Variants in RYR2 observed in about 807,000 individuals in gnomAD.
RYR2 encodes cardiac muscle ryanodine receptor-calcium release channel.
RYR2 carries 227 observed loss-of-function variants against 601.1 expected under a neutral mutation model. The observed-to-expected ratio is 0.38, with a 90% CI of 0.34 to 0.42. The LOEUF (loss-of-function observed/expected upper bound fraction) is 0.42. Among genes scored for constraint, RYR2 ranks in the 10% least tolerant of loss-of-function variants. The pLI, the probability that RYR2 is intolerant of heterozygous loss-of-function variation, is 1.00. For synonymous variants in RYR2, 2,223 were observed against 2,175.1 expected (o/e 1.02, Z -0.61); for missense variants, 4,646 against 6,156.5 (o/e 0.75, Z 8.21).
At chr1:237,231,272 ATTCT>A (rs1303815844) in intron 1 of RYR2, among the ~76,000 whole-genome samples, 3 of 150,334 alleles carry the variant, frequency 2.0e-5, no homozygotes, top group African/African-American at 7.3e-5. Context: ...AGTTCTTTTC[ATTCT>A]TTCTTTTTTT....
intron 2 of RYR2, among the ~76,000 whole-genome samples, chr1:237,287,143 C>T (rs1042069289): frequency 2.0e-5 from 3 of 152,124 alleles, no homozygotes; most frequent in African/African-American, 4.8e-5. Flanking sequence ...CGGCCCCAGT[C>T]GCTTCTGGCT....
intron 79 of RYR2, among the ~76,000 whole-genome samples, chr1:237,734,645 A>G (rs1690979516): frequency 6.6e-6 from 1 of 152,226 alleles, no homozygotes. Flanking sequence ...TCCTCTTGAC[A>G]AGTGGATAAA....
intron 18 of RYR2, 73 bp downstream of exon 18, chr1:237,491,997 T>C (rs1663401116): frequency 1.4e-6 from 1 of 733,786 alleles, no homozygotes; most frequent in East Asian, 2.8e-5. Context: ...ACAATAACTT[T>C]TAAAAAGTGT....
chr1:237,114,361 A>T lies in RYR2; in HGVS notation c.48+71792A>T, dbSNP rs143222167. ...CCTTGCAAATAAAATTTTGCATAAC[A>T]TTTTTATTGACAAGACATTGTGTCA... On this transcript the variant is annotated intron_variant, in intron 1 of 104. Transcript: ENST00000366574. Among the ~76,000 whole-genome samples the T allele has an allele frequency of 3.7e-3, 568 of 152,284 alleles. 6 individuals carry two copies. The highest frequency in any genetic ancestry group is 0.013 in the African/African-American group (546 of 41,526).
intron 1 of RYR2, among the ~76,000 whole-genome samples, chr1:237,110,234 T>G (rs932223065): frequency 6.6e-6 from 1 of 151,506 alleles, no homozygotes; most frequent in African/African-American, 2.4e-5. Flanking sequence ...AGTTTCTGAT[T>G]AGGTGGGTCT....
chr1:237,456,857 A>C, intron 16 of RYR2, 122 bp downstream of exon 16: 1 of 1,084,826 alleles, frequency 9.2e-7, no homozygotes, highest in South Asian at 2.0e-5. Flanking sequence ...TGGGAGGATC[A>C]TTTGAGGCCA....
intron 1 of RYR2, among the ~76,000 whole-genome samples, chr1:237,062,980 CA>C (rs1430926106): frequency 6.6e-6 from 1 of 151,336 alleles, no homozygotes; most frequent in East Asian, 1.9e-4. Context: ...TCTGTTAGTG[CA>C]ATGGACTGTT....
intron 1 of RYR2, among the ~76,000 whole-genome samples, chr1:237,057,431 C>T (rs1662303502): frequency 6.6e-6 from 1 of 152,090 alleles, no homozygotes; most frequent in South Asian, 2.1e-4. Context: ...GTGATCCACC[C>T]ACCTCAGCCT....
At chr1:237,345,985 C>G (rs1698272735) in intron 3 of RYR2, among the ~76,000 whole-genome samples, 1 of 152,126 alleles carries the variant, frequency 6.6e-6, no homozygotes, top group Non-Finnish European at 1.5e-5. Flanking sequence ...CATCCATCCA[C>G]TTGAATTTGT....
intron 1 of RYR2, among the ~76,000 whole-genome samples, chr1:237,172,164 C>G (rs1430074236): frequency 2.0e-5 from 3 of 152,160 alleles, no homozygotes; most frequent in Admixed American, 6.5e-5. Flanking sequence ...AAATCTTATT[C>G]CTTTTTAACC....
At chr1:237,375,656 TAA>T (rs1199737833) in intron 7 of RYR2, among the ~76,000 whole-genome samples, 2 of 152,160 alleles carry the variant, frequency 1.3e-5, no homozygotes, top group Non-Finnish European at 1.5e-5. Flanking sequence ...CATCGTCTTA[TAA>T]AAGAAATTCC....
intron 72 of RYR2, among the ~76,000 whole-genome samples, 194 bp downstream of exon 72, chr1:237,717,562 T>C (rs1263675519): frequency 1.3e-5 from 2 of 152,188 alleles, no homozygotes; most frequent in Non-Finnish European, 2.9e-5. Flanking sequence ...TTGTAAGTTA[T>C]GTTAATCACC....
intron 82 of RYR2, among the ~76,000 whole-genome samples, chr1:237,758,090 C>A (rs1693107252): frequency 6.6e-6 from 1 of 152,094 alleles, no homozygotes; most frequent in Non-Finnish European, 1.5e-5. Flanking sequence ...GGTTATGGAA[C>A]CTGGCAGGGG....
chr1:237,257,577 G>A (rs750107975), intron 1 of RYR2, among the ~76,000 whole-genome samples: 2 of 152,158 alleles, frequency 1.3e-5, no homozygotes, highest in Non-Finnish European at 2.9e-5. Context: ...ATAGAGGACT[G>A]AATATCTACT....
intron 20 of RYR2, among the ~76,000 whole-genome samples, chr1:237,497,820 T>C (rs1664232444): frequency 6.6e-6 from 1 of 152,178 alleles, no homozygotes; most frequent in Non-Finnish European, 1.5e-5. Context: ...AATAGCTCAG[T>C]TGTCTAGACG....
At chr1:237,778,441 C>CT (rs1183712108) in intron 87 of RYR2, among the ~76,000 whole-genome samples, 1 of 150,186 alleles carries the variant, frequency 6.7e-6, no homozygotes, top group East Asian at 2.0e-4. Flanking sequence ...CCTTGAGAAA[C>CT]TTTTTTTGGA....
chr1:237,592,885 G>A (rs571763731), intron 32 of RYR2, among the ~76,000 whole-genome samples: 2 of 151,710 alleles, frequency 1.3e-5, no homozygotes, highest in Non-Finnish European at 2.9e-5. Flanking sequence ...ACTGGGTGTC[G>A]TTGTGCACAC....
chr1:237,456,869 G>C lies in RYR2; in HGVS notation c.1612+134G>C, dbSNP rs962871721. On this transcript the variant is annotated intron_variant, in intron 16 of 104. Transcript: ENST00000366574. ...AGGTGGGAGGATCATTTGAGGCCAG[G>C]AATTTGAGACCAGCCTGGACAACAT... 3.1e-6 allele frequency: 3 copies of C among 971,666 alleles called. No homozygotes were observed. In the South Asian group the frequency reaches 6.8e-5, roughly 22 times the overall value. 60.2% of individuals were successfully genotyped at this position (971,666 alleles called of 1,614,324 possible). A position where few individuals can be genotyped will look rare whatever the true frequency, so the allele number is the denominator to read the frequency against.
rs1277417257 is a variant in RYR2, at chr1:237,798,051, T to C, written c.13971T>C (p.Tyr4657=). The part of the protein sequence containing the change: ...KFVKRKVMDK[Y]GEFYGRDRIS... ...CATACCCCAAGGTTATGGATAAATA[T>C]GGAGAGTTCTACGGCCGAGACAGAA... The change falls in exon 97 of 105, where the codon TAT becomes TAC. Residue 4657 remains tyrosine (Y), a synonymous_variant. Transcript: ENST00000366574. The C allele has an allele frequency of 1.2e-6, 2 of 1,610,734 alleles. No homozygotes were observed. Among genetic ancestry groups the C allele is most frequent in the East Asian group, 2.2e-5 (1 of 44,804 alleles).
Sources: allele counts gnomAD v4.1 joint callset (sites outside exome capture counted in the v4.1 genomes callset), GRCh38; gene constraint gnomAD v4.1.1; transcripts MANE v1.5; gene names NCBI Gene and HGNC (gene_info 2026-07-23, HGNC 2026-07-21).